The following ZFHX3 variants were observed in gnomAD, a reference collection of about 807,000 sequenced individuals.
ZFHX3 encodes the protein zinc finger homeobox protein 3.
A neutral mutation model predicts 279.1 loss-of-function variants in ZFHX3; 42 were observed. The ratio of observed to expected loss-of-function variants is 0.15; its 90% CI spans 0.12 to 0.19. The LOEUF (loss-of-function observed/expected upper bound fraction) is 0.19, where lower values mean the gene tolerates loss of function less well. Ranked by LOEUF, ZFHX3 falls within the 10% of genes least tolerant of loss-of-function variation. The probability of loss-of-function intolerance (pLI) is 1.00; values close to 1 mark genes in which losing one functional copy is unlikely to be tolerated. For missense variants in ZFHX3, 4,981 were observed against 4,754.0 expected, an observed-to-expected ratio of 1.05 and a Z score of -1.40; for synonymous variants, 2,293 against 1,957.8, an observed-to-expected ratio of 1.17 and a Z score of -4.52.
rs151201466 is a variant in ZFHX3, at chr16:73,465,044, G to A, written c.-1546-8786C>T. On this transcript the variant is annotated intron_variant, in intron 2 of 17. Coordinates refer to the ZFHX3 transcript ENST00000641206. The stretch of plus-strand genomic sequence containing the variant: ...AAGCAGGCTGGCACGATCATTAGAT[G>A]AGAGGACCCGGCACACCGGCCAGCT... Among the ~76,000 whole-genome samples, 670 of 152,286 alleles carry A rather than the reference G, an allele frequency of 4.4e-3. 4 individuals are homozygous for A. Among genetic ancestry groups the A allele is most frequent in the African/African-American group, 0.015 (631 of 41,556 alleles).
chr16:73,385,478 T>G (rs2016884280), intron 3 of ZFHX3, among the ~76,000 whole-genome samples: 1 of 152,056 alleles, frequency 6.6e-6, no homozygotes, highest in African/African-American at 2.4e-5. Context: ...CCCTGGCAGC[T>G]CCAATCTCTC....
chr16:73,522,231 A>G (rs545383860), intron 2 of ZFHX3, among the ~76,000 whole-genome samples: 5 of 152,260 alleles, frequency 3.3e-5, no homozygotes, highest in Admixed American at 6.5e-5. Context: ...ATTTAAAAGC[A>G]TCTTTAAAGT....
intron 7 of ZFHX3, among the ~76,000 whole-genome samples, chr16:73,107,796 G>A (rs890526821): frequency 3.3e-5 from 5 of 152,124 alleles, no homozygotes; most frequent in Non-Finnish European, 7.4e-5. Context: ...TAGCAGGGTC[G>A]CTGAGCCTAG....
chr16:73,739,740 T>G (rs1305031036), intron 1 of ZFHX3, among the ~76,000 whole-genome samples: 2 of 152,194 alleles, frequency 1.3e-5, no homozygotes, highest in African/African-American at 4.8e-5. Context: ...TCAGTTTCCC[T>G]TCTCACTGGG....
chr16:73,224,476 A>G (rs546265142), intron 5 of ZFHX3, among the ~76,000 whole-genome samples: 84 of 152,362 alleles, frequency 5.5e-4, no homozygotes, highest in South Asian at 1.4e-3. Flanking sequence ...AGGACAAATC[A>G]TGAAAAGCAG....
At chr16:73,890,603 T>A (rs1294542711) in intron 1 of ZFHX3, among the ~76,000 whole-genome samples, 1 of 152,196 alleles carries the variant, frequency 6.6e-6, no homozygotes, top group Non-Finnish European at 1.5e-5. Flanking sequence ...TTTTCTCTTT[T>A]GCATACTCAA....
intron 2 of ZFHX3, among the ~76,000 whole-genome samples, chr16:73,626,530 T>A (rs1214734603): frequency 6.6e-6 from 1 of 152,234 alleles, no homozygotes; most frequent in East Asian, 1.9e-4. Flanking sequence ...AAACATTCAT[T>A]TGATCAATGA....
intron 1 of ZFHX3, among the ~76,000 whole-genome samples, chr16:73,834,073 T>A (rs1340328341): frequency 6.6e-6 from 1 of 152,110 alleles, no homozygotes; most frequent in Non-Finnish European, 1.5e-5. Flanking sequence ...AGTGATGTGC[T>A]TGAGTCACTC....
chr16:73,251,872 C>T (rs1236893734), intron 5 of ZFHX3, among the ~76,000 whole-genome samples: 2 of 143,938 alleles, frequency 1.4e-5, no homozygotes, highest in Admixed American at 7.0e-5. Context: ...ACGCACACAC[C>T]ATGCACACAC....
At chr16:72,909,636 G>T (rs1388608816) in intron 3 of ZFHX3, among the ~76,000 whole-genome samples, 1 of 152,110 alleles carries the variant, frequency 6.6e-6, no homozygotes, top group African/African-American at 2.4e-5. Context: ...CAGCACTTTG[G>T]GAGGCTGAGG....
At chr16:73,176,177 A>G (rs1967659466) in intron 5 of ZFHX3, among the ~76,000 whole-genome samples, 1 of 152,212 alleles carries the variant, frequency 6.6e-6, no homozygotes, top group South Asian at 2.1e-4. Flanking sequence ...ACTTTCATTT[A>G]TATGTAAATG....
intron 2 of ZFHX3, among the ~76,000 whole-genome samples, chr16:73,474,291 G>C (rs2018726631): frequency 6.6e-6 from 1 of 151,974 alleles, no homozygotes. Context: ...GGGATCACAG[G>C]TGTGTGCCAC....
In ZFHX3 at chr16:73,694,493, G is replaced by A. The variant is rs371661620; in HGVS notation, c.-1607-14253C>T. ...TGAGTAGCTGGGGCTACAGACGCAT[G>A]TCACCATGCCTGGCTAATTTTTGTA... On this transcript the variant is annotated intron_variant, in intron 1 of 17. Transcript: ENST00000641206. 2.0e-4 allele frequency among the ~76,000 whole-genome samples: 31 copies of A among 152,096 alleles called. No individual in the cohort carries two copies. The East Asian group carries it at 5.9e-3, about 29-fold the overall frequency.
intron 1 of ZFHX3, among the ~76,000 whole-genome samples, chr16:73,034,923 G>A (rs1964844791): frequency 6.6e-6 from 1 of 152,208 alleles, no homozygotes; most frequent in South Asian, 2.1e-4. Flanking sequence ...TGCAGACTGA[G>A]CCTGCACCCA....
chr16:73,099,910 A>G (rs1966210823), intron 7 of ZFHX3, among the ~76,000 whole-genome samples: 1 of 152,072 alleles, frequency 6.6e-6, no homozygotes, highest in Non-Finnish European at 1.5e-5. Flanking sequence ...CCTTCTGGCT[A>G]CCTGGGGCCT....
intron 2 of ZFHX3, among the ~76,000 whole-genome samples, chr16:73,637,848 A>AG (rs1302413401): frequency 2.0e-5 from 3 of 152,326 alleles, no homozygotes; most frequent in Non-Finnish European, 4.4e-5. Context: ...ATCCCCCACT[A>AG]GAAAATAAGA....
At chr16:73,462,790 C>T (rs900102454) in intron 2 of ZFHX3, among the ~76,000 whole-genome samples, 6 of 152,240 alleles carry the variant, frequency 3.9e-5, no homozygotes, top group Non-Finnish European at 5.9e-5. Flanking sequence ...GTATCATTCT[C>T]ATTATATAAT....
intron 1 of ZFHX3, among the ~76,000 whole-genome samples, chr16:73,032,333 CA>C (rs1964735369): frequency 6.6e-6 from 1 of 152,000 alleles, no homozygotes; most frequent in South Asian, 2.1e-4. Context: ...AACAAAAAAA[CA>C]AAAACAAAAA....
intron 8 of ZFHX3, chr16:73,081,727 C>T (rs1395940706): frequency 6.6e-6 from 1 of 152,168 alleles, no homozygotes; most frequent in East Asian, 1.9e-4. Context: ...AGGCAATGGA[C>T]TCTAGTGTGC....
Sources: allele counts gnomAD v4.1 joint callset (sites outside exome capture counted in the v4.1 genomes callset), GRCh38; gene constraint gnomAD v4.1.1; transcripts MANE v1.5; gene names NCBI Gene and HGNC (gene_info 2026-07-23, HGNC 2026-07-21).